The following IGSF5 variants were observed in gnomAD, a reference collection of about 807,000 sequenced individuals.
IGSF5 encodes the protein immunoglobulin superfamily member 5, also known as immunoglobulin superfamily 5 like.
Under a neutral mutation model 39.4 loss-of-function variants are expected in IGSF5, and 41 were observed. The ratio of observed to expected loss-of-function variants is 1.04; its 90% CI spans 0.81 to 1.35. IGSF5 has a LOEUF of 1.35. Among genes scored for constraint, IGSF5 ranks in the 40% most tolerant of loss-of-function variants. The pLI is 0.00. For synonymous variants in IGSF5, 183 were observed against 175.3 expected (o/e 1.04, Z -0.34); for missense variants, 487 against 494.6 (o/e 0.98, Z 0.15).
the IGSF5 span, among the ~76,000 whole-genome samples, chr21:39,730,875 A>G: frequency 6.6e-6 from 1 of 152,212 alleles, no homozygotes; most frequent in African/African-American, 2.4e-5. Flanking sequence ...TCGGGCATGC[A>G]ATAGTCACTA....
At chr21:39,783,993 A>G (rs375913447) in intron 5 of IGSF5, among the ~76,000 whole-genome samples, 2 of 152,186 alleles carry the variant, frequency 1.3e-5, no homozygotes, top group East Asian at 3.8e-4. Context: ...TTGAAGAGGC[A>G]GCCTTTCCCC....
chr21:39,747,814 G>A (rs1451636800), intron 2 of IGSF5, among the ~76,000 whole-genome samples: 1 of 152,004 alleles, frequency 6.6e-6, no homozygotes, highest in African/African-American at 2.4e-5. Flanking sequence ...TTGAGCTAGG[G>A]TGACAACTCC....
intron 2 of IGSF5, among the ~76,000 whole-genome samples, chr21:39,753,931 T>G (rs1243031462): frequency 1.3e-5 from 2 of 152,182 alleles, no homozygotes; most frequent in African/African-American, 4.8e-5. Flanking sequence ...TTTTTTTGTT[T>G]TTTTTTAGTC....
At chr21:39,778,393 T>A (rs138180976) in intron 4 of IGSF5, among the ~76,000 whole-genome samples, 3 of 152,278 alleles carry the variant, frequency 2.0e-5, no homozygotes, top group Non-Finnish European at 4.4e-5. Flanking sequence ...TCTCTCCTTC[T>A]CTCCCTACCT....
chr21:39,786,900 C>T (rs393595), intron 5 of IGSF5, among the ~76,000 whole-genome samples: 136,383 of 151,602 alleles, frequency 0.9, 61,385 homozygotes, highest in South Asian at 0.93. Flanking sequence ...TAGGTGGGAA[C>T]TGAACAATGA....
intron 3 of IGSF5, among the ~76,000 whole-genome samples, chr21:39,767,806 G>A (rs970360683): frequency 4.6e-5 from 7 of 152,152 alleles, no homozygotes; most frequent in Non-Finnish European, 1.0e-4. Flanking sequence ...AGTCGGGAGG[G>A]GAGCTGACAG....
At chr21:39,767,677 A>T (rs1210170334) in intron 3 of IGSF5, among the ~76,000 whole-genome samples, 1 of 152,236 alleles carries the variant, frequency 6.6e-6, no homozygotes, top group African/African-American at 2.4e-5. Flanking sequence ...AGAATAAGAC[A>T]CAGTTTCTTT....
Position 39,763,499 on chromosome 21 carries a change from A to G in IGSF5, c.101-2036A>G, listed in dbSNP as rs547795674. On this transcript the variant is annotated intron_variant, in intron 2 of 8. Transcript: ENST00000380588. ...GGGTTATTTGGCCTGCACAGATTGT[A>G]TGATTCCGTAGTGACACGTGTGGCC... Among the ~76,000 whole-genome samples the G allele has an allele frequency of 4.6e-5, 7 of 152,200 alleles. No homozygotes were observed. In the East Asian group the frequency reaches 1.3e-3, roughly 29 times the overall value.
In IGSF5 at chr21:39,746,946, C is replaced by T. The variant is rs79700020; in HGVS notation, c.100+648C>T. On this transcript the variant is annotated intron_variant, in intron 2 of 8. Transcript: ENST00000380588. ...CTGCTGGTGAGGGTCTAGGGCTGAC[C>T]CCAGCATGCCCTAAGGAAGGTCAGC... Among the ~76,000 whole-genome samples, 89 of 152,254 alleles carry T rather than the reference C, an allele frequency of 5.8e-4. No homozygotes were observed. The East Asian group carries it at 0.014, about 24-fold the overall frequency.
At chr21:39,786,865 A>G (rs1457661951) in intron 5 of IGSF5, among the ~76,000 whole-genome samples, 2 of 152,006 alleles carry the variant, frequency 1.3e-5, no homozygotes, top group African/African-American at 2.4e-5. Context: ...AGAACAAAAA[A>G]CCAAACACTG....
At chr21:39,775,994 G>C in intron 4 of IGSF5, among the ~76,000 whole-genome samples, 1 of 152,130 alleles carries the variant, frequency 6.6e-6, no homozygotes, top group East Asian at 1.9e-4. Flanking sequence ...TAGTCACTCT[G>C]TCCTGAGCGT....
chr21:39,745,870 T>G (rs2079971626), intron 1 of IGSF5, among the ~76,000 whole-genome samples: 1 of 151,400 alleles, frequency 6.6e-6, no homozygotes, highest in African/African-American at 2.4e-5. Flanking sequence ...GGTCCAATAT[T>G]ACTCACTGCT....
chr21:39,764,944 C>T (rs2205203), intron 2 of IGSF5, among the ~76,000 whole-genome samples: 5,120 of 152,242 alleles, frequency 0.034, 249 homozygotes, highest in East Asian at 0.23. Context: ...AATGCAAATC[C>T]TGGGATGTTG....
chr21:39,712,012 C>T, the IGSF5 span, among the ~76,000 whole-genome samples: 3 of 152,108 alleles, frequency 2.0e-5, no homozygotes, highest in African/African-American at 4.8e-5. Flanking sequence ...GGAGCTGCAA[C>T]GATGGGAAGC....
intron 5 of IGSF5, among the ~76,000 whole-genome samples, chr21:39,781,087 T>C (rs887113516): frequency 6.6e-6 from 1 of 152,192 alleles, no homozygotes; most frequent in Non-Finnish European, 1.5e-5. Flanking sequence ...TGGACTAGCC[T>C]TAACTAAACT....
chr21:39,757,980 C>T (rs867030289), intron 2 of IGSF5, among the ~76,000 whole-genome samples: 3 of 152,126 alleles, frequency 2.0e-5, no homozygotes, highest in African/African-American at 4.8e-5. Context: ...GTGGAGGTGG[C>T]GGTGGGCACA....
chr21:39,789,922 A>AT (rs2086952989), intron 6 of IGSF5, among the ~76,000 whole-genome samples: 1 of 152,194 alleles, frequency 6.6e-6, no homozygotes, highest in African/African-American at 2.4e-5. Context: ...TTTTTGTAGT[A>AT]TTTGTTTGCT....
chr21:39,751,764 C>T (rs1428549872), intron 2 of IGSF5, among the ~76,000 whole-genome samples: 8 of 152,308 alleles, frequency 5.3e-5, no homozygotes, highest in Non-Finnish European at 4.4e-5. Flanking sequence ...TGACTCATGA[C>T]GTCTGCCATT....
chr21:39,741,251 A>G (rs1195465965), upstream of IGSF5, among the ~76,000 whole-genome samples: 2 of 152,074 alleles, frequency 1.3e-5, no homozygotes, highest in Admixed American at 1.3e-4. Flanking sequence ...TGGCTTTCTG[A>G]GTTTCCTTAA....
Sources: allele counts gnomAD v4.1 joint callset (sites outside exome capture counted in the v4.1 genomes callset), GRCh38; gene constraint gnomAD v4.1.1; transcripts MANE v1.5; gene names NCBI Gene and HGNC (gene_info 2026-07-23, HGNC 2026-07-21).